Variants in SPMIP11 observed in about 807,000 individuals in gnomAD.
The protein encoded by SPMIP11 is long intergenic non-protein coding RNA 935.
At chr12:48,765,954 A>G in the SPMIP11 span, among the ~76,000 whole-genome samples, 1 of 152,194 alleles carries the variant, frequency 6.6e-6, no homozygotes. Flanking sequence ...GGCTTCATGC[A>G]TGGCAGGGGT....
chr12:48,735,003 CAAAAAAAAA>C, the SPMIP11 span, among the ~76,000 whole-genome samples: 3 of 84,108 alleles, frequency 3.6e-5, no homozygotes, highest in South Asian at 4.8e-4. Context: ...GACTCTGTCT[CAAAAAAAAA>C]AAAAAAAAAA....
At chr12:48,765,713 A>G in the SPMIP11 span, 1 of 701,760 alleles carries the variant, frequency 1.4e-6, no homozygotes, top group Non-Finnish European at 2.6e-6. Flanking sequence ...AGGGGGAAAG[A>G]AGGAGGTTTC....
At chr12:48,736,221 T>C in the SPMIP11 span, 2 of 354,642 alleles carry the variant, frequency 5.6e-6, no homozygotes, top group African/African-American at 2.2e-5. Flanking sequence ...ATGAACAACA[T>C]GGGGAAACCT....
chr12:48,754,835 C>T, the SPMIP11 span, among the ~76,000 whole-genome samples: 1 of 148,790 alleles, frequency 6.7e-6, no homozygotes, highest in South Asian at 2.1e-4. Context: ...CAGCTTCAAC[C>T]TCCTGAACTT....
chr12:48,745,782 A>G, the SPMIP11 span, among the ~76,000 whole-genome samples: 1 of 152,226 alleles, frequency 6.6e-6, no homozygotes, highest in South Asian at 2.1e-4. Context: ...TTAATTGTGT[A>G]TCAAAAGACA....
the SPMIP11 span, among the ~76,000 whole-genome samples, chr12:48,746,360 C>CTTTTTTTTTTTTTTT: frequency 9.9e-6 from 1 of 101,196 alleles, no homozygotes; most frequent in Non-Finnish European, 2.0e-5. Context: ...ACTATAATTC[C>CTTTTTTTTTTTTTTT]TTTTTTTTTT....
At chr12:48,752,669 C>CTTTTTTTTTTT in the SPMIP11 span, among the ~76,000 whole-genome samples, 1 of 119,294 alleles carries the variant, frequency 8.4e-6, no homozygotes, top group Admixed American at 8.8e-5. Context: ...CCTATTTATT[C>CTTTTTTTTTTT]TTTTTTTTTT....
the SPMIP11 span, among the ~76,000 whole-genome samples, chr12:48,737,415 A>ATTT: frequency 1.4e-5 from 2 of 139,206 alleles, no homozygotes; most frequent in African/African-American, 2.6e-5. Context: ...TTAATTTTTA[A>ATTT]TTTTTTTTTT....
At chr12:48,768,761 G>A in the SPMIP11 span, 2 of 1,603,822 alleles carry the variant, frequency 1.2e-6, no homozygotes, top group African/African-American at 1.3e-5. Flanking sequence ...AATCCTTCCT[G>A]CTGCATTTGC....
the SPMIP11 span, among the ~76,000 whole-genome samples, chr12:48,758,673 T>A: frequency 1.3e-5 from 2 of 152,238 alleles, no homozygotes; most frequent in Non-Finnish European, 2.9e-5. Context: ...CCCCATCTCC[T>A]GTCCTTCTCC....
At chr12:48,735,021 A>AAAG in the SPMIP11 span, among the ~76,000 whole-genome samples, 1 of 150,804 alleles carries the variant, frequency 6.6e-6, no homozygotes. Flanking sequence ...AAAAAAAAAA[A>AAAG]AAGAAGAGGA....
the SPMIP11 span, among the ~76,000 whole-genome samples, chr12:48,759,815 A>G: frequency 3.3e-5 from 5 of 151,982 alleles, no homozygotes; most frequent in African/African-American, 1.2e-4. Flanking sequence ...TGAAAAAAAA[A>G]ATTTTTTTTT....
the SPMIP11 span, among the ~76,000 whole-genome samples, chr12:48,729,575 C>T: frequency 6.6e-6 from 1 of 150,426 alleles, no homozygotes. Context: ...CTGGGCATGG[C>T]GGTGCATGCC....
At chr12:48,764,934 G>C in the SPMIP11 span, 1 of 702,942 alleles carries the variant, frequency 1.4e-6, no homozygotes, top group East Asian at 2.7e-5. Context: ...AGTGCGTCCA[G>C]AGGAAACCAT....
At chr12:48,768,908 C>T in the SPMIP11 span, 6 of 1,589,348 alleles carry the variant, frequency 3.8e-6, no homozygotes, top group Non-Finnish European at 5.1e-6. Context: ...GCCCATGTTC[C>T]TCCCAGCCCC....
the SPMIP11 span, among the ~76,000 whole-genome samples, chr12:48,751,681 A>T: frequency 2.0e-5 from 3 of 152,186 alleles, no homozygotes; most frequent in Non-Finnish European, 4.4e-5. Flanking sequence ...AAGCAAATTC[A>T]TAGTGCCTCA....
the SPMIP11 span, among the ~76,000 whole-genome samples, chr12:48,758,966 G>A: frequency 6.6e-6 from 1 of 152,150 alleles, no homozygotes; most frequent in Non-Finnish European, 1.5e-5. Flanking sequence ...CCAGAAGTTG[G>A]CCTCTTAAAA....
chr12:48,769,676 T>A, the SPMIP11 span, among the ~76,000 whole-genome samples: 1 of 149,104 alleles, frequency 6.7e-6, no homozygotes, highest in East Asian at 2.0e-4. Context: ...AACCTCTGCC[T>A]CCCAGGTTCA....
the SPMIP11 span, among the ~76,000 whole-genome samples, chr12:48,736,640 G>A: frequency 6.6e-6 from 1 of 151,006 alleles, no homozygotes. Flanking sequence ...CATAATTATT[G>A]TCCTGGGACT....
Sources: gnomAD v4.1 joint callset for allele counts (sites outside exome capture counted in the v4.1 genomes callset) on GRCh38, gnomAD v4.1.1 for gene constraint, MANE v1.5 for transcripts, NCBI Gene and HGNC (gene_info 2026-07-23, HGNC 2026-07-21) for gene names.